PHF21B: variants seen among roughly 807,000 people sequenced by gnomAD.
The protein encoded by PHF21B is PHD finger protein 21B.
In PHF21B, 22 loss-of-function variants were observed where a neutral mutation model predicts 62.2. The ratio of observed to expected loss-of-function variants is 0.35; its 90% CI spans 0.25 to 0.51. The LOEUF (loss-of-function observed/expected upper bound fraction) is 0.51. PHF21B is among the 20% of genes least tolerant of loss of function. The probability of loss-of-function intolerance (pLI) is 0.97; values close to 1 mark genes in which losing one functional copy is unlikely to be tolerated. For missense variants in PHF21B, 701 were observed against 707.9 expected (o/e 0.99, Z 0.11); for synonymous variants, 341 against 314.7 (o/e 1.08, Z -0.88).
chr22:44,884,364 A>ATT (rs1321157222), intron 12 of PHF21B, among the ~76,000 whole-genome samples: 10 of 98,780 alleles, frequency 1.0e-4, no homozygotes, highest in Non-Finnish European at 1.6e-4. Context: ...CACGATCACC[A>ATT]ACGTCACCAC....
chr22:44,994,688 A>T (rs2073092527), intron 2 of PHF21B, among the ~76,000 whole-genome samples: 1 of 152,190 alleles, frequency 6.6e-6, no homozygotes, highest in South Asian at 2.1e-4. Flanking sequence ...GCCCAGCTGG[A>T]CTGGGCAGCC....
chr22:45,007,089 C>G (rs1012269944), intron 2 of PHF21B, among the ~76,000 whole-genome samples: 162 of 151,742 alleles, frequency 1.1e-3, no homozygotes, highest in African/African-American at 3.6e-3. Flanking sequence ...CGGACGGGGG[C>G]GCGCGGCCGG....
chr22:45,008,692 G>A, intron 1 of PHF21B, 82 bp from the exon 2 acceptor site: 1 of 1,209,856 alleles, frequency 8.3e-7, no homozygotes, highest in Non-Finnish European at 1.0e-6. Flanking sequence ...GGCACCCCCC[G>A]CCCGGAGCCC....
intron 2 of PHF21B, among the ~76,000 whole-genome samples, chr22:44,923,427 C>G (rs903626620): frequency 2.0e-5 from 3 of 149,492 alleles, no homozygotes; most frequent in African/African-American, 7.4e-5. Context: ...TAAAATGTAA[C>G]AGAAATCTTT....
intron 2 of PHF21B, among the ~76,000 whole-genome samples, chr22:44,943,130 G>A (rs867776279): frequency 2.0e-5 from 3 of 151,864 alleles, no homozygotes; most frequent in South Asian, 2.1e-4. Flanking sequence ...TGCCCTCCAC[G>A]CTGCTCCCCA....
chr22:44,925,960 C>T (rs945816464), intron 2 of PHF21B, among the ~76,000 whole-genome samples: 9 of 78,084 alleles, frequency 1.2e-4, no homozygotes, highest in African/African-American at 2.9e-4. Context: ...GCAGGAGCAG[C>T]CATTTGATGA....
intron 2 of PHF21B, among the ~76,000 whole-genome samples, chr22:44,966,589 G>A (rs1372246605): frequency 6.6e-6 from 1 of 152,130 alleles, no homozygotes; most frequent in African/African-American, 2.4e-5. Flanking sequence ...GGTGAAGGGA[G>A]CCAGAAGTCC....
intron 2 of PHF21B, among the ~76,000 whole-genome samples, chr22:44,995,383 C>G (rs149975004): frequency 7.2e-4 from 109 of 152,242 alleles, no homozygotes; most frequent in African/African-American, 2.5e-3. Context: ...ATAACTCCAA[C>G]GAGGCAGTGG....
chr22:45,004,642 CAG>C (rs780027555), intron 2 of PHF21B, among the ~76,000 whole-genome samples: 33 of 152,108 alleles, frequency 2.2e-4, no homozygotes, highest in Non-Finnish European at 4.1e-4. Context: ...GTTCGGAAAA[CAG>C]AAAGTCCTGG....
intron 2 of PHF21B, among the ~76,000 whole-genome samples, chr22:44,968,669 T>C (rs1241330405): frequency 1.3e-5 from 2 of 148,744 alleles, no homozygotes; most frequent in Non-Finnish European, 3.0e-5. Flanking sequence ...AAAAAATACC[T>C]GGGACCATAC....
At chr22:44,948,139 G>A (rs2072116288) in intron 2 of PHF21B, among the ~76,000 whole-genome samples, 2 of 152,190 alleles carry the variant, frequency 1.3e-5, no homozygotes, top group South Asian at 4.1e-4. Flanking sequence ...CTGGGAGGGA[G>A]ATGGTTTTGG....
At chr22:44,980,139 A>G (rs2072813171) in intron 2 of PHF21B, among the ~76,000 whole-genome samples, 1 of 150,250 alleles carries the variant, frequency 6.7e-6, no homozygotes, top group East Asian at 2.0e-4. Flanking sequence ...AGGCCACTGC[A>G]TTTACTCCAT....
chr22:44,913,048 G>A (rs1013181775), intron 5 of PHF21B, among the ~76,000 whole-genome samples: 44 of 152,116 alleles, frequency 2.9e-4, no homozygotes, highest in African/African-American at 7.5e-4. Context: ...AGCAAAGGAC[G>A]GCCCTGAGTC....
intron 2 of PHF21B, among the ~76,000 whole-genome samples, chr22:44,939,573 C>T (rs982476330): frequency 6.6e-5 from 10 of 152,174 alleles, no homozygotes; most frequent in African/African-American, 1.7e-4. Context: ...GAGATGCTGG[C>T]GCTGTCTTGG....
At position 45,009,417 on chromosome 22, in the gene PHF21B, G is replaced by A. The variant is rs747264008; in HGVS notation, c.54+79C>T. ...GGAAGACCCAGAGACCCGGAAGAGA[G>A]GATGCTGGGCTCGGGTCCCCCGACC... is the stretch of plus-strand genomic sequence containing the variant. On this transcript the variant is annotated intron_variant, in intron 1 of 12. Coordinates refer to ENST00000313237, the MANE Select transcript of PHF21B (RefSeq NM_138415.5). This position sits in a 1 kb window ranked among gnomAD's most constrained non-coding sequence, Gnocchi z 5.9. The A allele has an allele frequency of 1.2e-5, 17 of 1,377,838 alleles. No homozygotes were observed. Among genetic ancestry groups the A allele is most frequent in the Non-Finnish European group, 1.5e-5 (16 of 1,032,694 alleles). The allele number at this position is 1,377,838 out of a possible 1,614,324, so 85.4% of individuals were successfully genotyped here.
At chr22:44,928,537 G>C (rs11704790) in intron 2 of PHF21B, among the ~76,000 whole-genome samples, 59,919 of 151,946 alleles carry the variant, frequency 0.39, 12,408 homozygotes, top group Non-Finnish European at 0.45. Context: ...AGCCTCCCGA[G>C]TAGCTGGGAT....
chr22:44,946,394 C>CA (rs752685449), intron 2 of PHF21B, among the ~76,000 whole-genome samples: 18 of 152,176 alleles, frequency 1.2e-4, no homozygotes, highest in Non-Finnish European at 2.4e-4. Context: ...TCTCATCTCT[C>CA]AGAGCGTAGG....
intron 2 of PHF21B, among the ~76,000 whole-genome samples, chr22:44,995,927 G>A (rs752786603): frequency 1.2e-4 from 19 of 152,236 alleles, no homozygotes; most frequent in Admixed American, 3.9e-4. Context: ...AGGGCACAGC[G>A]GAGGGGACGT....
At chr22:44,926,207 A>C (rs1165851616) in intron 2 of PHF21B, among the ~76,000 whole-genome samples, 1 of 149,640 alleles carries the variant, frequency 6.7e-6, no homozygotes, top group Non-Finnish European at 1.5e-5. Flanking sequence ...ATTCAGTGGC[A>C]TGAAGGCCCA....
Sources: gnomAD v4.1 joint callset for allele counts (sites outside exome capture counted in the v4.1 genomes callset) on GRCh38, gnomAD v4.1.1 for gene constraint, Gnocchi (gnomAD v3.1) non-coding constraint, MANE v1.5 for transcripts, NCBI Gene and HGNC (gene_info 2026-07-23, HGNC 2026-07-21) for gene names.